Variants in SOX6 observed in about 807,000 individuals in gnomAD.
The protein encoded by SOX6 is transcription factor SOX-6.
SOX6 carries 11 observed loss-of-function variants against 97.8 expected under a neutral mutation model. The ratio of observed to expected loss-of-function variants is 0.11; its 90% CI spans 0.07 to 0.19. The LOEUF (loss-of-function observed/expected upper bound fraction) is 0.19, where lower values mean the gene tolerates loss of function less well. Among genes scored for constraint, SOX6 ranks in the 10% least tolerant of loss-of-function variants. The pLI is 1.00. For synonymous variants in SOX6, 360 were observed against 371.4 expected, an observed-to-expected ratio of 0.97 and a Z score of 0.35; for missense variants, 810 against 1,039.5, an observed-to-expected ratio of 0.78 and a Z score of 3.04.
chr11:15,987,872 CA>C (rs1030365848), intron 14 of SOX6, among the ~76,000 whole-genome samples: 26 of 142,702 alleles, frequency 1.8e-4, no homozygotes, highest in South Asian at 4.4e-4. Flanking sequence ...ATTAGAAAAT[CA>C]AAAAAAAAAG....
chr11:16,264,619 A>T (rs529294145), intron 3 of SOX6: 3 of 151,908 alleles, frequency 2.0e-5, no homozygotes, highest in Non-Finnish European at 2.9e-5. Flanking sequence ...AAGAAAGTGT[A>T]TATGTTGTTT....
chr11:15,992,034 G>T (rs1854069050), intron 13 of SOX6, among the ~76,000 whole-genome samples: 1 of 152,208 alleles, frequency 6.6e-6, no homozygotes, highest in Admixed American at 6.5e-5. Context: ...ACAAGGAATT[G>T]ATTTCACAGC....
At chr11:16,508,449 A>G in intron 4 of SOX6, among the ~76,000 whole-genome samples, 1 of 152,056 alleles carries the variant, frequency 6.6e-6, no homozygotes, top group East Asian at 1.9e-4. Context: ...CATAAAATCA[A>G]CCTCAGTGTC....
At chr11:16,238,645 A>G (rs1378998503) in intron 3 of SOX6, among the ~76,000 whole-genome samples, 1 of 152,124 alleles carries the variant, frequency 6.6e-6, no homozygotes, top group Non-Finnish European at 1.5e-5. Flanking sequence ...AAAAATAAAT[A>G]AACAAATTGT....
intron 6 of SOX6, among the ~76,000 whole-genome samples, chr11:16,159,633 C>A (rs1238008922): frequency 6.6e-6 from 1 of 152,062 alleles, no homozygotes; most frequent in Non-Finnish European, 1.5e-5. Flanking sequence ...TAACTATGCA[C>A]ACAACTTTGG....
chr11:16,380,555 C>T (rs747974921), intron 1 of SOX6, among the ~76,000 whole-genome samples: 8 of 151,098 alleles, frequency 5.3e-5, no homozygotes, highest in Non-Finnish European at 1.0e-4. Context: ...TGGCTAAATG[C>T]AAAAAAAACA....
intron 1 of SOX6, among the ~76,000 whole-genome samples, chr11:16,369,988 C>T (rs1419412153): frequency 6.6e-6 from 1 of 152,070 alleles, no homozygotes; most frequent in Non-Finnish European, 1.5e-5. Flanking sequence ...TCTTTCAGCC[C>T]TCCCAATACC....
rs987405280 is a variant in SOX6 at position 16,511,467 on chromosome 11, T to C, written n.610-35079A>G. Among the ~76,000 whole-genome samples, 19 of 152,184 alleles carry C rather than the reference T, an allele frequency of 1.2e-4. No individual in the cohort carries two copies. In the South Asian group the frequency reaches 3.1e-3, roughly 25 times the overall value. On this transcript the variant is annotated intron_variant and non_coding_transcript_variant, in intron 4 of 5. Coordinates refer to the SOX6 transcript ENST00000524520. ...AATTGCAATGTATCAAAACTTTCTC[T>C]AAAGGAGATGTTTTTTATATTCCCA...
upstream of SOX6, among the ~76,000 whole-genome samples, chr11:16,360,994 C>T (rs915945820): frequency 3.0e-5 from 4 of 131,482 alleles, no homozygotes; most frequent in East Asian, 8.0e-4. Context: ...AAGAGCAAGA[C>T]TCCATCTCAA....
intron 8 of SOX6, 121 bp from the exon 9 acceptor site, chr11:16,096,239 G>A: frequency 8.2e-7 from 1 of 1,212,816 alleles, no homozygotes; most frequent in Non-Finnish European, 1.2e-6. Context: ...AAAGTAGAAA[G>A]TTTAAGACTC....
chr11:16,597,024 A>C (rs1848219463), intron 4 of SOX6, among the ~76,000 whole-genome samples: 1 of 152,282 alleles, frequency 6.6e-6, no homozygotes, highest in East Asian at 1.9e-4. Context: ...AACTTATGAC[A>C]TACAAGCTTT....
chr11:16,472,485 C>T (rs1008614624), intron 1 of SOX6, among the ~76,000 whole-genome samples: 4 of 152,242 alleles, frequency 2.6e-5, no homozygotes, highest in African/African-American at 2.4e-5. Context: ...CACCACAATA[C>T]CTTGCATAAA....
intron 4 of SOX6, among the ~76,000 whole-genome samples, chr11:16,525,943 C>T (rs1358442812): frequency 2.6e-5 from 4 of 152,290 alleles, no homozygotes; most frequent in African/African-American, 7.2e-5. Flanking sequence ...GATACCATCT[C>T]ACACCAGTTA....
At chr11:16,735,358 T>A (rs1382996817) in intron 2 of SOX6, among the ~76,000 whole-genome samples, 1 of 152,178 alleles carries the variant, frequency 6.6e-6, no homozygotes, top group Non-Finnish European at 1.5e-5. Flanking sequence ...TTTCAAGGCC[T>A]AGCTCAAAAA....
intron 12 of SOX6, among the ~76,000 whole-genome samples, chr11:16,040,781 G>A (rs1053215578): frequency 7.9e-5 from 12 of 152,006 alleles, no homozygotes; most frequent in African/African-American, 2.9e-4. Context: ...TCCCGAGCTG[G>A]TCTTAGTTTC....
rs1398586362 is a variant in SOX6, at chr11:16,593,878, A to T, written n.609+18203T>A. Among the ~76,000 whole-genome samples, 4 of 152,198 alleles carry T rather than the reference A, an allele frequency of 2.6e-5. No individual in the cohort carries two copies. In the South Asian group the frequency reaches 6.2e-4, roughly 24 times the overall value. ...AAAAGCCCAAGCTCTTAACACCTAA[A>T]ACAGTATTGTTTTATACAAATAAAT... On this transcript the variant is annotated intron_variant and non_coding_transcript_variant, in intron 4 of 5. Coordinates refer to the SOX6 transcript ENST00000524520.
At chr11:16,646,394 CAT>C (rs1849015206) in intron 3 of SOX6, 2 of 151,666 alleles carry the variant, frequency 1.3e-5, no homozygotes, top group African/African-American at 2.4e-5. Context: ...TGTGATTACT[CAT>C]ATGTGTTGCT....
intron 4 of SOX6, among the ~76,000 whole-genome samples, chr11:16,514,229 A>G (rs1343228409): frequency 6.6e-6 from 1 of 151,852 alleles, no homozygotes; most frequent in Non-Finnish European, 1.5e-5. Context: ...AAAAAAAAAA[A>G]AAAGGTGTTT....
At chr11:16,015,597 G>A (rs1256078447) in intron 12 of SOX6, among the ~76,000 whole-genome samples, 1 of 152,016 alleles carries the variant, frequency 6.6e-6, no homozygotes, top group African/African-American at 2.4e-5. Context: ...TCTGGGAACT[G>A]AAAAGGAGGA....
Sources: allele counts gnomAD v4.1 joint callset (sites outside exome capture counted in the v4.1 genomes callset), GRCh38; gene constraint gnomAD v4.1.1; transcripts MANE v1.5; gene names NCBI Gene and HGNC (gene_info 2026-07-23, HGNC 2026-07-21).